DACH2: variants seen among roughly 807,000 people sequenced by gnomAD.
DACH2 encodes the protein dachshund family transcription factor 2, also known as dachshund homolog 2.
DACH2 carries 17 observed loss-of-function variants against 35.8 expected under a neutral mutation model. The ratio of observed to expected loss-of-function variants is 0.48; its 90% CI spans 0.33 to 0.71. DACH2 has a LOEUF of 0.71. DACH2 is among the 30% of genes least tolerant of loss of function. The pLI is 0.02. For missense variants in DACH2, 469 were observed against 472.7 expected (o/e 0.99, Z 0.07); for synonymous variants, 195 against 177.3 (o/e 1.10, Z -0.79).
At chrX:86,154,689 G>A (rs966517779) in intron 1 of DACH2, among the ~76,000 whole-genome samples, 2 of 111,303 alleles carry the variant, frequency 1.8e-5, no homozygotes, top group Non-Finnish European at 3.8e-5. Flanking sequence ...ATGTTGCCCT[G>A]TGTTTAATAA....
intron 1 of DACH2, among the ~76,000 whole-genome samples, chrX:86,155,089 T>C (rs2030498221): frequency 1.8e-5 from 2 of 110,798 alleles, no homozygotes; most frequent in Non-Finnish European, 3.8e-5. Context: ...GAATTAGTAA[T>C]ATATGATTGG....
At chrX:86,769,565 T>C (rs1190854391) in intron 7 of DACH2, among the ~76,000 whole-genome samples, 2 of 111,782 alleles carry the variant, frequency 1.8e-5, no homozygotes, top group Admixed American at 1.9e-4. Flanking sequence ...AGAAAAGTGC[T>C]GGGGTATGTA....
At chrX:86,418,263 C>T (rs141905841) in intron 2 of DACH2, among the ~76,000 whole-genome samples, 8 of 111,501 alleles carry the variant, frequency 7.2e-5, no homozygotes, top group African/African-American at 2.0e-4. Flanking sequence ...AGGAGAGTGG[C>T]CCTCTTCTCA....
chrX:86,294,610 T>A (rs1401675982), intron 1 of DACH2, among the ~76,000 whole-genome samples: 3 of 109,658 alleles, frequency 2.7e-5, no homozygotes, highest in African/African-American at 9.9e-5. Flanking sequence ...TTGGTGTGGA[T>A]GTCCTTTCTG....
chrX:86,811,335 A>C (rs1165500394), intron 7 of DACH2, among the ~76,000 whole-genome samples: 1 of 111,849 alleles, frequency 8.9e-6, no homozygotes, highest in African/African-American at 3.2e-5. Context: ...CTGTTAAATT[A>C]ATGGGGCTCA....
chrX:86,400,067 G>A (rs1209732039), intron 2 of DACH2, among the ~76,000 whole-genome samples: 1 of 111,338 alleles, frequency 9.0e-6, no homozygotes, highest in South Asian at 3.8e-4. Flanking sequence ...TTTCTTGGAG[G>A]CTTTGTTCAT....
chrX:86,456,630 A>T (rs1054933549), intron 2 of DACH2, among the ~76,000 whole-genome samples: 2 of 111,656 alleles, frequency 1.8e-5, no homozygotes, highest in African/African-American at 6.5e-5. Flanking sequence ...GAAAATTTTT[A>T]AAAATTATTT....
At chrX:86,738,453 A>T (rs1354448518) in intron 6 of DACH2, among the ~76,000 whole-genome samples, 1 of 112,278 alleles carries the variant, frequency 8.9e-6, no homozygotes, top group African/African-American at 3.2e-5. Context: ...AATGATTAGA[A>T]TAATGATGTG....
chrX:86,297,129 C>T (rs765201431), intron 1 of DACH2, among the ~76,000 whole-genome samples: 2 of 106,965 alleles, frequency 1.9e-5, no homozygotes, highest in Non-Finnish European at 3.8e-5. Flanking sequence ...AACCATTGGT[C>T]TGGCTACTGT....
At chrX:86,520,620 G>T (rs1401156459) in intron 3 of DACH2, among the ~76,000 whole-genome samples, 2 of 111,467 alleles carry the variant, frequency 1.8e-5, no homozygotes, top group African/African-American at 6.5e-5. Flanking sequence ...GGATAGTCAG[G>T]TCTTCTTGCT....
At chrX:86,301,987 G>T (rs1367430135) in intron 1 of DACH2, among the ~76,000 whole-genome samples, 2 of 111,405 alleles carry the variant, frequency 1.8e-5, no homozygotes, top group African/African-American at 6.5e-5. Flanking sequence ...ACTTGACCCA[G>T]TGTTAATGTG....
intron 1 of DACH2, among the ~76,000 whole-genome samples, chrX:86,286,115 G>GCTTTT (rs2034140488): frequency 2.2e-5 from 1 of 45,760 alleles, no homozygotes; most frequent in African/African-American, 1.0e-4. Context: ...CAGCCAGTCT[G>GCTTTT]TTTTTTTTTT....
intron 1 of DACH2, among the ~76,000 whole-genome samples, chrX:86,265,190 A>G (rs2033690833): frequency 8.9e-6 from 1 of 112,075 alleles, no homozygotes; most frequent in African/African-American, 3.2e-5. Context: ...AAATGAATAC[A>G]TATCGTTGAT....
At chrX:86,795,600 CAT>C (rs2042228876) in intron 7 of DACH2, among the ~76,000 whole-genome samples, 1 of 112,591 alleles carries the variant, frequency 8.9e-6, no homozygotes, top group Admixed American at 9.4e-5. Context: ...AAATGGCTAA[CAT>C]ATGATACTGC....
Position 86,707,449 on chromosome X carries a change from T to A in DACH2, c.932-7099T>A, listed in dbSNP as rs1205220850. Among the ~76,000 whole-genome samples the A allele has an allele frequency of 9.0e-5, 10 of 111,701 alleles. No homozygotes were observed. In the East Asian group the frequency reaches 2.8e-3, roughly 32 times the overall value. On this transcript the variant is annotated intron_variant, in intron 5 of 11. Transcript: ENST00000373125. ...ATTCTCTGCAATCTCTTCCAGAAGA[T>A]AGAAGCAGAGGGAATACTTTCTAAC...
intron 1 of DACH2, among the ~76,000 whole-genome samples, chrX:86,336,344 T>G (rs999081711): frequency 4.5e-5 from 5 of 112,055 alleles, no homozygotes; most frequent in African/African-American, 1.6e-4. Context: ...TCTTTGTACC[T>G]CTGGTAGAAT....
At chrX:86,526,154 G>A (rs62594979) in intron 3 of DACH2, among the ~76,000 whole-genome samples, 13,121 of 110,341 alleles carry the variant, frequency 0.12, 911 homozygotes, top group African/African-American at 0.26. Flanking sequence ...CATGTAGTTT[G>A]TCAAAATATA....
intron 1 of DACH2, among the ~76,000 whole-genome samples, chrX:86,236,612 C>T (rs1167967644): frequency 1.8e-5 from 2 of 112,189 alleles, no homozygotes; most frequent in Non-Finnish European, 3.8e-5. Flanking sequence ...TGTTACTGTA[C>T]TGAATACTGT....
At chrX:86,248,133 C>G (rs2033323769) in intron 1 of DACH2, among the ~76,000 whole-genome samples, 1 of 111,354 alleles carries the variant, frequency 9.0e-6, no homozygotes, top group African/African-American at 3.3e-5. Context: ...TGCAACAAGA[C>G]AAGTATATCC....
Sources: gnomAD v4.1 joint callset for allele counts (sites outside exome capture counted in the v4.1 genomes callset) on GRCh38, gnomAD v4.1.1 for gene constraint, MANE v1.5 for transcripts, NCBI Gene and HGNC (gene_info 2026-07-23, HGNC 2026-07-21) for gene names.